SGTB: variants seen among roughly 807,000 people sequenced by gnomAD.
SGTB encodes small glutamine-rich tetratricopeptide repeat-containing protein beta.
In SGTB, 19 loss-of-function variants were observed where a neutral mutation model predicts 43.9. The observed-to-expected ratio is 0.43, with a 90% CI of 0.30 to 0.63. The LOEUF (loss-of-function observed/expected upper bound fraction) is 0.63. SGTB is among the 30% of genes least tolerant of loss of function. The probability of loss-of-function intolerance (pLI) is 0.12; values close to 1 mark genes in which losing one functional copy is unlikely to be tolerated. For synonymous variants in SGTB, 116 were observed against 117.3 expected (o/e 0.99, Z 0.07); for missense variants, 304 against 358.9 (o/e 0.85, Z 1.24).
chr5:65,674,990 C>T (rs1757238393), intron 8 of SGTB, among the ~76,000 whole-genome samples: 2 of 152,168 alleles, frequency 1.3e-5, no homozygotes, highest in Admixed American at 1.3e-4. Context: ...TTAATGGATG[C>T]AAGACACATT....
At chr5:65,695,142 T>A (rs6895912) in intron 5 of SGTB, among the ~76,000 whole-genome samples, 3,924 of 152,250 alleles carry the variant, frequency 0.026, 165 homozygotes, top group African/African-American at 0.09. Flanking sequence ...GATGTCCCTA[T>A]TGCACTAGTT....
chr5:65,719,888 A>T (rs1330871253), intron 2 of SGTB, among the ~76,000 whole-genome samples: 1 of 152,156 alleles, frequency 6.6e-6, no homozygotes, highest in Non-Finnish European at 1.5e-5. Flanking sequence ...CACTAGTGGT[A>T]TAATTATTAG....
At chr5:65,673,299 TGTA>T (rs1757194209) in intron 8 of SGTB, among the ~76,000 whole-genome samples, 1 of 152,130 alleles carries the variant, frequency 6.6e-6, no homozygotes, top group Non-Finnish European at 1.5e-5. Context: ...ACTGACCGGT[TGTA>T]GTAGAAAAGA....
chr5:65,680,374 T>C (rs1757371162), intron 8 of SGTB, 120 bp downstream of exon 8: 1 of 943,622 alleles, frequency 1.1e-6, no homozygotes, highest in South Asian at 1.6e-5. Flanking sequence ...GCTATAGCCT[T>C]ATATCAATAC....
At chr5:65,704,001 G>A (rs1176727526) in intron 5 of SGTB, among the ~76,000 whole-genome samples, 1 of 146,402 alleles carries the variant, frequency 6.8e-6, no homozygotes, top group Non-Finnish European at 1.5e-5. Context: ...TCATGCCACT[G>A]CACTCCAGCC....
At chr5:65,704,035 CAAAA>C (rs11405488) in intron 5 of SGTB, among the ~76,000 whole-genome samples, 2 of 133,368 alleles carry the variant, frequency 1.5e-5, no homozygotes, top group African/African-American at 5.4e-5. Flanking sequence ...GACTCCGTCT[CAAAA>C]AAAAAAAAAA....
intron 2 of SGTB, among the ~76,000 whole-genome samples, chr5:65,720,078 TTTC>T (rs1161984355): frequency 6.8e-6 from 1 of 146,518 alleles, no homozygotes; most frequent in Non-Finnish European, 1.5e-5. Context: ...TCATTTTCTT[TTTC>T]TTTTTTTTTT....
chr5:65,672,889 T>C (rs1757185891), intron 8 of SGTB, among the ~76,000 whole-genome samples: 1 of 152,160 alleles, frequency 6.6e-6, no homozygotes, highest in Non-Finnish European at 1.5e-5. Context: ...ACCACTTGCT[T>C]ATATTACCAG....
rs564426139 is a variant in SGTB, at chr5:65,690,714, C to T, written c.375-5242G>A. On this transcript the variant is annotated intron_variant, in intron 5 of 10. Transcript: ENST00000381007. The stretch of plus-strand genomic sequence containing the variant: ...TTTAAATTTAATTTTATGTAAAAAA[C>T]GTACAAAGTTCAGAAGTTAAACCTA... Among the ~76,000 whole-genome samples, 90 of 152,026 alleles carry T rather than the reference C, an allele frequency of 5.9e-4. 1 individual carries two copies. The highest frequency in any genetic ancestry group is 4.7e-4 in the Non-Finnish European group (32 of 68,004).
At chr5:65,711,497 C>A (rs1758045857) in intron 3 of SGTB, among the ~76,000 whole-genome samples, 1 of 152,218 alleles carries the variant, frequency 6.6e-6, no homozygotes, top group African/African-American at 2.4e-5. Context: ...TTAGCCATAA[C>A]CATATCTAGC....
At chr5:65,720,081 C>CTTTTTTTTTT (rs11312137) in intron 2 of SGTB, among the ~76,000 whole-genome samples, 3 of 124,976 alleles carry the variant, frequency 2.4e-5, no homozygotes, top group Non-Finnish European at 5.0e-5. Flanking sequence ...TTTTCTTTTT[C>CTTTTTTTTTT]TTTTTTTTTT....
At chr5:65,707,395 T>TATACAC (rs766874066) in intron 4 of SGTB, among the ~76,000 whole-genome samples, 3 of 133,690 alleles carry the variant, frequency 2.2e-5, no homozygotes, top group Admixed American at 1.5e-4. Flanking sequence ...GCTGATTTTA[T>TATACAC]ACACACACAC....
At position 65,700,682 on chromosome 5, in the gene SGTB, CAA is replaced by C. The variant is rs376335799; in HGVS notation, c.374+3595_374+3596del. Among the ~76,000 whole-genome samples the C allele has an allele frequency of 8.2e-3, 660 of 80,762 alleles. 3 individuals carry two copies. The highest frequency in any genetic ancestry group is 8.5e-3 in the African/African-American group (162 of 19,104). 53.0% of individuals were successfully genotyped at this position (80,762 alleles called of 152,430 possible). On this transcript the variant is annotated intron_variant, in intron 5 of 10. Coordinates refer to ENST00000381007, the MANE Select transcript of SGTB (RefSeq NM_019072.3). ...GGCGACAGAGTGAGACTCTGTCTCCCAAAAAAAAAAAAAAAAGAAAGAAAGAA... is the reference window on the plus strand; with the variant it reads ...GGCGACAGAGTGAGACTCTGTCTCCCAAAAAAAAAAAAAAGAAAGAAAGAA...
chr5:65,718,849 T>G (rs1336947445), intron 2 of SGTB, among the ~76,000 whole-genome samples: 1 of 108,994 alleles, frequency 9.2e-6, no homozygotes, highest in Admixed American at 8.3e-5. Context: ...CATAACATCT[T>G]GGTTTGAAAA....
intron 2 of SGTB, among the ~76,000 whole-genome samples, chr5:65,716,902 G>T (rs922922678): frequency 1.3e-5 from 2 of 152,038 alleles, no homozygotes; most frequent in African/African-American, 4.8e-5. Flanking sequence ...AAAAGAAGAG[G>T]ATCAAGCAGT....
At chr5:65,671,854 T>C (rs888100935) in intron 10 of SGTB, 61 bp downstream of exon 10, 31 of 1,484,806 alleles carry the variant, frequency 2.1e-5, no homozygotes, top group Non-Finnish European at 2.6e-5. Flanking sequence ...CCCCTCACCA[T>C]AGAGATAGGC....
intron 10 of SGTB, 105 bp downstream of exon 10, chr5:65,671,810 G>A (rs895695868): frequency 2.3e-5 from 23 of 1,015,308 alleles, no homozygotes; most frequent in African/African-American, 1.5e-4. Context: ...AGTTACTAAC[G>A]GTAAAAGATA....
intron 5 of SGTB, among the ~76,000 whole-genome samples, chr5:65,702,668 C>T (rs1385288901): frequency 2.6e-5 from 4 of 152,196 alleles, no homozygotes; most frequent in African/African-American, 9.6e-5. Flanking sequence ...CGCCTCATAA[C>T]CTAATCACCT....
intron 5 of SGTB, among the ~76,000 whole-genome samples, chr5:65,689,406 A>G (rs1185897968): frequency 6.6e-6 from 1 of 152,222 alleles, no homozygotes; most frequent in Non-Finnish European, 1.5e-5. Flanking sequence ...GACTGGGAAC[A>G]ATACAAGTAT....
Sources: gnomAD v4.1 joint callset for allele counts (sites outside exome capture counted in the v4.1 genomes callset) on GRCh38, gnomAD v4.1.1 for gene constraint, MANE v1.5 for transcripts, NCBI Gene and HGNC (gene_info 2026-07-23, HGNC 2026-07-21) for gene names.